RABGAP1: variants seen among roughly 807,000 people sequenced by gnomAD.
RABGAP1 encodes rab GTPase-activating protein 1.
RABGAP1 carries 23 observed loss-of-function variants against 137.6 expected under a neutral mutation model. That is an observed-to-expected ratio of 0.17 (90% CI 0.12 to 0.24). The LOEUF is 0.24. Among genes scored for constraint, RABGAP1 ranks in the 10% least tolerant of loss-of-function variants. The probability of loss-of-function intolerance (pLI) is 1.00; values close to 1 mark genes in which losing one functional copy is unlikely to be tolerated. For missense variants in RABGAP1, 906 were observed against 1,275.8 expected (o/e 0.71, Z 4.42); for synonymous variants, 451 against 450.7 (o/e 1.00, Z -0.01).
chr9:122,991,085 G>A (rs1836700782), intron 6 of RABGAP1, among the ~76,000 whole-genome samples: 1 of 151,598 alleles, frequency 6.6e-6, no homozygotes, highest in Non-Finnish European at 1.5e-5. Context: ...CCTTTGAGTG[G>A]TGGAAAGAAC....
chr9:123,090,709 A>T (rs2035008396), intron 21 of RABGAP1, among the ~76,000 whole-genome samples: 1 of 152,036 alleles, frequency 6.6e-6, no homozygotes, highest in Non-Finnish European at 1.5e-5. Flanking sequence ...AATTACGTTA[A>T]CCTCCCTCCT....
chr9:123,031,656 G>A (rs920802783), intron 13 of RABGAP1, among the ~76,000 whole-genome samples: 2 of 152,210 alleles, frequency 1.3e-5, no homozygotes, highest in Non-Finnish European at 2.9e-5. Context: ...AGAACTAAGT[G>A]CTTTGAGGGA....
intron 12 of RABGAP1, among the ~76,000 whole-genome samples, chr9:123,020,038 CTT>C (rs1214217042): frequency 1.4e-5 from 2 of 142,756 alleles, no homozygotes; most frequent in Non-Finnish European, 1.5e-5. Context: ...TCCAGTTTTG[CTT>C]TTTTTTTTTT....
chr9:123,013,418 G>A (rs972682287), intron 11 of RABGAP1, among the ~76,000 whole-genome samples: 5 of 151,242 alleles, frequency 3.3e-5, no homozygotes, highest in South Asian at 2.1e-4. Context: ...TGCACCCTCC[G>A]CCTCCTGGGT....
chr9:122,955,734 T>C (rs1834483587), intron 1 of RABGAP1, among the ~76,000 whole-genome samples: 1 of 152,218 alleles, frequency 6.6e-6, no homozygotes, highest in African/African-American at 2.4e-5. Flanking sequence ...TCCTGCCAGA[T>C]GTTTATATGT....
At chr9:123,013,083 A>G (rs1427853219) in intron 11 of RABGAP1, among the ~76,000 whole-genome samples, 1 of 152,168 alleles carries the variant, frequency 6.6e-6, no homozygotes, top group African/African-American at 2.4e-5. Context: ...ATTTTAAACT[A>G]CTACTACCCA....
At chr9:123,035,259 C>T in intron 13 of RABGAP1, 1 of 1,614,164 alleles carries the variant, frequency 6.2e-7, no homozygotes, top group Non-Finnish European at 8.5e-7. Context: ...GGCAAGCCCG[C>T]TTCAGCAGCC....
chr9:123,002,418 A>T (rs1837371835), intron 10 of RABGAP1, among the ~76,000 whole-genome samples: 1 of 149,696 alleles, frequency 6.7e-6, no homozygotes, highest in Admixed American at 6.6e-5. Context: ...AATTTTCAGT[A>T]AAAGTTGTAT....
At chr9:122,956,710 G>C (rs1834547424) in intron 1 of RABGAP1, among the ~76,000 whole-genome samples, 1 of 151,834 alleles carries the variant, frequency 6.6e-6, no homozygotes, top group African/African-American at 2.4e-5. Context: ...TATATTTTTG[G>C]AGGCTAAGAC....
At position 123,040,526 on chromosome 9, in the gene RABGAP1, A is replaced by G. The variant is rs370514325; in HGVS notation, c.1794+20067A>G. ...CATATTACGGTATTTCTTTAGTTCA[A>G]TTAACTTCTGTTACTTGTCTTTTAG... is the stretch of plus-strand genomic sequence containing the variant. On this transcript the variant is annotated intron_variant, in intron 13 of 25. Transcript: ENST00000373647. 7.9e-5 allele frequency among the ~76,000 whole-genome samples: 12 copies of G among 152,126 alleles called. No homozygotes were observed. In the South Asian group the frequency reaches 8.3e-4, roughly 11 times the overall value.
At chr9:122,994,972 C>T (rs1242415617) in intron 6 of RABGAP1, among the ~76,000 whole-genome samples, 1 of 152,012 alleles carries the variant, frequency 6.6e-6, no homozygotes, top group East Asian at 1.9e-4. Context: ...AAAAAATTAG[C>T]TAGGCATGGT....
chr9:122,948,042 AACACACAC>A (rs55683114), intron 1 of RABGAP1, among the ~76,000 whole-genome samples: 130 of 146,042 alleles, frequency 8.9e-4, no homozygotes, highest in South Asian at 1.3e-3. Flanking sequence ...GAGCCAGGAA[AACACACAC>A]ACACACACAC....
At chr9:122,938,800 C>T (rs1208884796), upstream of RABGAP1, 1 of 152,198 alleles carries the variant, frequency 6.6e-6, no homozygotes. Context: ...CTTGAATCCA[C>T]TGAGTCTTCA....
At chr9:122,987,958 T>C (rs1195416588) in intron 4 of RABGAP1, among the ~76,000 whole-genome samples, 3 of 152,208 alleles carry the variant, frequency 2.0e-5, no homozygotes, top group African/African-American at 7.2e-5. Context: ...TGGACTTTCA[T>C]GGTGACAGAG....
At chr9:122,952,647 G>C (rs1486408636) in intron 1 of RABGAP1, among the ~76,000 whole-genome samples, 1 of 152,078 alleles carries the variant, frequency 6.6e-6, no homozygotes, top group Non-Finnish European at 1.5e-5. Context: ...GAGGTAGGAG[G>C]ATCACCTGAG....
intron 13 of RABGAP1, among the ~76,000 whole-genome samples, chr9:123,026,882 C>T (rs2032000925): frequency 2.0e-5 from 3 of 152,198 alleles, no homozygotes; most frequent in African/African-American, 7.2e-5. Context: ...CAGCAAACTA[C>T]TTCTTCAGTA....
At chr9:123,003,252 G>A (rs2029891985) in intron 10 of RABGAP1, among the ~76,000 whole-genome samples, 1 of 152,168 alleles carries the variant, frequency 6.6e-6, no homozygotes, top group African/African-American at 2.4e-5. Flanking sequence ...ATTCAATGAG[G>A]ATAAATAGTA....
At chr9:122,943,463 A>G (rs1490214758) in intron 1 of RABGAP1, among the ~76,000 whole-genome samples, 1 of 152,192 alleles carries the variant, frequency 6.6e-6, no homozygotes, top group Non-Finnish European at 1.5e-5. Context: ...CCTATCAGCT[A>G]TGTGCATTTT....
chr9:122,986,301 G>GTAT lies in RABGAP1; in HGVS notation c.474_475insTTA (p.Val158_Asn159insLeu). 1 of 1,614,156 alleles carries GTAT rather than the reference G, an allele frequency of 6.2e-7. No homozygotes were observed. Among genetic ancestry groups the GTAT allele is most frequent in the Non-Finnish European group, 8.5e-7 (1 of 1,180,010 alleles). ...ACTGACTTACTTAGGCTGTGCCTCGGTAAATGCTCCCAGGAGTGAAGTGGA... is the reference window on the plus strand; with the variant it reads ...ACTGACTTACTTAGGCTGTGCCTCGGTATTAAATGCTCCCAGGAGTGAAGTGGA... On this transcript the variant is annotated inframe_insertion, in exon 4 of 26. Coordinates refer to ENST00000373647, the MANE Select transcript of RABGAP1 (RefSeq NM_012197.4).
Sources: gnomAD v4.1 joint callset for allele counts (sites outside exome capture counted in the v4.1 genomes callset) on GRCh38, gnomAD v4.1.1 for gene constraint, MANE v1.5 for transcripts, NCBI Gene and HGNC (gene_info 2026-07-23, HGNC 2026-07-21) for gene names.